Variants in SRGAP1 observed in about 807,000 individuals in gnomAD.
SRGAP1 encodes SLIT-ROBO Rho GTPase-activating protein 1.
A neutral mutation model predicts 121.9 loss-of-function variants in SRGAP1; 43 were observed. The ratio of observed to expected loss-of-function variants is 0.35; its 90% CI spans 0.28 to 0.46. The LOEUF is 0.46. Among genes scored for constraint, SRGAP1 ranks in the 20% least tolerant of loss-of-function variants. The pLI is 1.00. For missense variants in SRGAP1, 1,102 were observed against 1,350.9 expected (o/e 0.82, Z 2.89); for synonymous variants, 447 against 485.4 (o/e 0.92, Z 1.04).
At chr12:63,911,724 A>G (rs372114829) in intron 1 of SRGAP1, among the ~76,000 whole-genome samples, 4 of 152,310 alleles carry the variant, frequency 2.6e-5, no homozygotes, top group African/African-American at 7.2e-5. Context: ...CATCACCCCG[A>G]TTACATTGCT....
chr12:64,075,393 G>T (rs1051478780), intron 8 of SRGAP1, among the ~76,000 whole-genome samples: 3 of 152,168 alleles, frequency 2.0e-5, no homozygotes, highest in African/African-American at 7.2e-5. Flanking sequence ...GCCCTCTTGC[G>T]GTAAACCCAC....
intron 18 of SRGAP1, among the ~76,000 whole-genome samples, chr12:64,116,946 G>C (rs560571502): frequency 5.3e-4 from 81 of 152,340 alleles, no homozygotes; most frequent in African/African-American, 1.9e-3. Context: ...CAGTGAGGCA[G>C]GGTAAGCAGC....
chr12:63,855,887 C>G (rs549325273), intron 1 of SRGAP1, among the ~76,000 whole-genome samples: 1 of 151,974 alleles, frequency 6.6e-6, no homozygotes, highest in African/African-American at 2.4e-5. Context: ...TTAGTATGTT[C>G]GTGATGTTAG....
At chr12:64,029,587 C>T (rs747726167) in intron 4 of SRGAP1, among the ~76,000 whole-genome samples, 2 of 152,076 alleles carry the variant, frequency 1.3e-5, no homozygotes, top group Non-Finnish European at 2.9e-5. Flanking sequence ...ATGGGAAAAG[C>T]GTTCCAAAAA....
chr12:64,106,519 T>C (rs1389880837), intron 15 of SRGAP1, among the ~76,000 whole-genome samples: 4 of 152,186 alleles, frequency 2.6e-5, no homozygotes, highest in African/African-American at 9.7e-5. Context: ...TTACTTCATG[T>C]TTAGGCATTT....
intron 1 of SRGAP1, among the ~76,000 whole-genome samples, chr12:63,971,836 C>G (rs1231136349): frequency 1.3e-5 from 2 of 151,662 alleles, no homozygotes; most frequent in Non-Finnish European, 2.9e-5. Context: ...GATTTTGTAG[C>G]CTAAAACTTG....
chr12:64,121,548 C>A (rs2036606576), intron 18 of SRGAP1, among the ~76,000 whole-genome samples: 1 of 152,190 alleles, frequency 6.6e-6, no homozygotes, highest in South Asian at 2.1e-4. Flanking sequence ...AGCCACCATG[C>A]CCAGCCTGTG....
intron 6 of SRGAP1, among the ~76,000 whole-genome samples, chr12:64,058,223 C>G (rs979447899): frequency 6.6e-6 from 1 of 152,094 alleles, no homozygotes; most frequent in Non-Finnish European, 1.5e-5. Context: ...TGGACGTAAC[C>G]CCACTGCAAA....
intron 3 of SRGAP1, among the ~76,000 whole-genome samples, chr12:64,004,520 G>A (rs769324026): frequency 2.3e-4 from 35 of 152,094 alleles, no homozygotes; most frequent in African/African-American, 8.2e-4. Context: ...TACAGGGCCC[G>A]CCACCACGCC....
chr12:64,160,303 T>C lies in SRGAP1; in HGVS notation c.*17631T>C, dbSNP rs1312681633. 6.6e-6 allele frequency: 1 copy of C among 152,210 alleles called. No homozygotes were observed. The highest frequency in any genetic ancestry group is 1.5e-5 in the Non-Finnish European group (1 of 68,038). The allele number at this position is 152,210 out of a possible 1,614,324, so 9.4% of individuals were successfully genotyped here. ...AGTATATCCTTAATCAGCTTCCTGA[T>C]TGAGAGTGTATTTTGAGACATTCCA... is the stretch of plus-strand genomic sequence containing the variant. On this transcript the variant is annotated 3_prime_UTR_variant, in exon 22 of 22. Coordinates refer to ENST00000355086, the MANE Select transcript of SRGAP1 (RefSeq NM_020762.4).
chr12:64,086,709 T>A (rs1330912040), intron 10 of SRGAP1, among the ~76,000 whole-genome samples: 2 of 137,772 alleles, frequency 1.5e-5, no homozygotes, highest in Non-Finnish European at 3.1e-5. Flanking sequence ...GCAGCTATTC[T>A]TGTTTCTTTT....
At chr12:63,861,604 TAA>T (rs1295196386) in intron 1 of SRGAP1, among the ~76,000 whole-genome samples, 1 of 152,108 alleles carries the variant, frequency 6.6e-6, no homozygotes, top group Non-Finnish European at 1.5e-5. Context: ...CAGCCAGGCA[TAA>T]ATTTTTATAT....
intron 11 of SRGAP1, among the ~76,000 whole-genome samples, chr12:64,089,201 T>A (rs1219141422): frequency 6.6e-6 from 1 of 152,148 alleles, no homozygotes; most frequent in Non-Finnish European, 1.5e-5. Flanking sequence ...TCCCCTTCCC[T>A]AATCACCCCA....
In SRGAP1 at chr12:64,146,986, T is replaced by C. The variant is rs1479882906; in HGVS notation, c.*4314T>C. The C allele has an allele frequency of 6.6e-6, 1 of 152,508 alleles. No homozygotes were observed. The highest frequency in any genetic ancestry group is 2.4e-5 in the African/African-American group (1 of 41,436). 9.4% of individuals were successfully genotyped at this position (152,508 alleles called of 1,614,324 possible). A position where few individuals can be genotyped will look rare whatever the true frequency, so the allele number is the denominator to read the frequency against. On this transcript the variant is annotated 3_prime_UTR_variant, in exon 22 of 22. Coordinates refer to ENST00000355086, the MANE Select transcript of SRGAP1 (RefSeq NM_020762.4). ...GTTTAAATAATTGTACTGGGTTCCA[T>C]AATGCTTATCTTAGAAACTTTAGTA... is the stretch of plus-strand genomic sequence containing the variant.
At chr12:63,863,754 T>A (rs1014747443) in intron 1 of SRGAP1, among the ~76,000 whole-genome samples, 6 of 152,232 alleles carry the variant, frequency 3.9e-5, no homozygotes, top group Non-Finnish European at 5.9e-5. Context: ...AAATTAAATT[T>A]AACAGAGTTT....
At chr12:63,940,192 G>A (rs2031814965) in intron 1 of SRGAP1, among the ~76,000 whole-genome samples, 1 of 151,674 alleles carries the variant, frequency 6.6e-6, no homozygotes, top group Admixed American at 6.6e-5. Context: ...GAACTCCTGA[G>A]CTCAAGTGAT....
chr12:63,866,065 T>A (rs199720924), intron 1 of SRGAP1, among the ~76,000 whole-genome samples: 2 of 150,804 alleles, frequency 1.3e-5, no homozygotes, highest in African/African-American at 2.5e-5. Flanking sequence ...ACGTTTTTTT[T>A]ATTTTTGCTC....
At chr12:63,963,146 C>T (rs1297144434) in intron 1 of SRGAP1, among the ~76,000 whole-genome samples, 1 of 152,108 alleles carries the variant, frequency 6.6e-6, no homozygotes, top group Non-Finnish European at 1.5e-5. Context: ...TGTTCAACAA[C>T]AGCCACAGAG....
At position 64,155,706 on chromosome 12, in the gene SRGAP1, CACCGCA is replaced by C. The variant is rs2037159288; in HGVS notation, c.*13038_*13043del. ...ACCTCGGCTCACCACGACCTCGGCT[CACCGCA>C]ACCTCTGCCTCCCGGTTTCAAGCGA... On this transcript the variant is annotated 3_prime_UTR_variant, in exon 22 of 22. Transcript: ENST00000355086. 1 of 152,048 alleles carries C rather than the reference CACCGCA, an allele frequency of 6.6e-6. No homozygotes were observed. Among genetic ancestry groups the C allele is most frequent in the Non-Finnish European group, 1.5e-5 (1 of 68,052 alleles). The allele number at this position is 152,048 out of a possible 1,614,324, so 9.4% of individuals were successfully genotyped here.
Sources: gnomAD v4.1 joint callset for allele counts (sites outside exome capture counted in the v4.1 genomes callset) on GRCh38, gnomAD v4.1.1 for gene constraint, MANE v1.5 for transcripts, NCBI Gene and HGNC (gene_info 2026-07-23, HGNC 2026-07-21) for gene names.